The following SELENON variants were observed in gnomAD, a reference collection of about 807,000 sequenced individuals.
SELENON encodes the protein selenoprotein N.
SELENON carries 44 observed loss-of-function variants against 59.5 expected under a neutral mutation model. The observed-to-expected ratio is 0.74, with a 90% CI of 0.58 to 0.95. SELENON has a LOEUF of 0.95. Among genes scored for constraint, SELENON ranks in the 40% least tolerant of loss-of-function variants. The probability of loss-of-function intolerance (pLI) is 0.00; values close to 1 mark genes in which losing one functional copy is unlikely to be tolerated. For missense variants in SELENON, 674 were observed against 721.4 expected (o/e 0.93, Z 0.75); for synonymous variants, 320 against 305.6 (o/e 1.05, Z -0.49).
At chr1:25,812,937 TG>T in intron 10 of SELENON, 145 bp downstream of exon 9, 1 of 639,550 alleles carries the variant, frequency 1.6e-6, no homozygotes, top group Non-Finnish European at 2.7e-6. Flanking sequence ...GGTGAGGGCT[TG>T]GGGGTTTCTG....
chr1:25,811,326 G>A (rs74753273), intron 7 of SELENON, 128 bp from the exon 7 acceptor site: 7 of 864,540 alleles, frequency 8.1e-6, no homozygotes, highest in Admixed American at 1.7e-5. Flanking sequence ...CTGAGAGCAG[G>A]TGTTCACCTT....
rs777640462 is a variant in SELENON, at chr1:25,815,573, T to A, written c.1628T>A (p.Phe543Tyr). 3.7e-6 allele frequency: 6 copies of A among 1,614,124 alleles called. No homozygotes were observed. In the Admixed American group the frequency reaches 5.0e-5, roughly 13 times the overall value. Reference sequence around the variant, plus strand: ...GTCCATCACATCAATGCCAACTACTTCTTGGACATCACCTCCGTGAAGCCC... The same window carrying A: ...GTCCATCACATCAATGCCAACTACTACTTGGACATCACCTCCGTGAAGCCC... The change falls in exon 13 of 13, where the codon TTC (phenylalanine) becomes TAC (tyrosine). Residue 543 changes from phenylalanine (F) to tyrosine (Y), a missense_variant. Physicochemically the swap from Phe to Tyr is conservative, Grantham distance 22. Transcript: ENST00000361547.
chr1:25,801,492 C>G (rs1447801436), intron 2 of SELENON, among the ~76,000 whole-genome samples: 4 of 152,142 alleles, frequency 2.6e-5, no homozygotes, highest in African/African-American at 9.7e-5. Flanking sequence ...AAAACCCCAT[C>G]CCTACAAAAA....
intron 12 of SELENON, among the ~76,000 whole-genome samples, 153 bp from the exon 12 acceptor site, chr1:25,815,395 G>A (rs376986384): frequency 1.3e-5 from 2 of 152,158 alleles, no homozygotes; most frequent in East Asian, 1.9e-4. Context: ...GGGTGCTGGC[G>A]AGGGCTTACG....
At chr1:25,813,667 G>C in intron 10 of SELENON, 1 of 636,952 alleles carries the variant, frequency 1.6e-6, no homozygotes, top group Non-Finnish European at 2.9e-6. Flanking sequence ...GGGCCAGGTA[G>C]AACCCCTAAC....
chr1:25,808,272 G>A (rs919015386), intron 4 of SELENON, among the ~76,000 whole-genome samples: 3 of 148,582 alleles, frequency 2.0e-5, no homozygotes, highest in Non-Finnish European at 3.0e-5. Flanking sequence ...CCTTGCCCTC[G>A]AGCGAGCTGC....
At chr1:25,809,869 C>G (rs1251114290) in intron 7 of SELENON, 49 bp downstream of exon 6, 3 of 1,605,920 alleles carry the variant, frequency 1.9e-6, no homozygotes, top group East Asian at 2.2e-5. Flanking sequence ...ACAGCTTGTC[C>G]TGCTCCCCAG....
chr1:25,808,468 C>A, intron 4 of SELENON, 112 bp from the exon 4 acceptor site: 1 of 1,258,640 alleles, frequency 7.9e-7, no homozygotes, highest in Non-Finnish European at 1.2e-6. Context: ...GGTCCATCTG[C>A]TCCCTTGGTG....
intron 7 of SELENON, among the ~76,000 whole-genome samples, chr1:25,810,805 G>A (rs2047951745): frequency 1.3e-5 from 2 of 152,212 alleles, no homozygotes; most frequent in South Asian, 4.1e-4. Context: ...ACCTAGGGCT[G>A]GGCACACCTG....
Position 25,801,093 on chromosome 1 carries a change from C to G in SELENON, c.234C>G (p.Ser78=). Residue 78 remains serine, a synonymous_variant, in exon 2 of 13, where the codon TCC becomes TCG. Transcript: ENST00000361547. ...CAGATGGCCTTTTTCTCTTTTCCTC[C>G]TTGGACACTGACGGGGATATGTACA... 1 of 1,614,164 alleles carries G rather than the reference C, an allele frequency of 6.2e-7. No homozygotes were observed. The highest frequency in any genetic ancestry group is 8.5e-7 in the Non-Finnish European group (1 of 1,180,008).
Position 25,815,862 on chromosome 1 carries a change from CCA to C in SELENON, c.*147_*148del. 1 of 818,340 alleles carries C rather than the reference CCA, an allele frequency of 1.2e-6. No homozygotes were observed. Among genetic ancestry groups the C allele is most frequent in the Non-Finnish European group, 1.9e-6 (1 of 516,906 alleles). The allele number at this position is 818,340 out of a possible 1,614,324, so 50.7% of individuals were successfully genotyped here. A position where few individuals can be genotyped will look rare whatever the true frequency, so the allele number is the denominator to read the frequency against. On this transcript the variant is annotated 3_prime_UTR_variant, in exon 13 of 13. Coordinates refer to ENST00000361547, the MANE Select transcript of SELENON (RefSeq NM_020451.3). Reference sequence around the variant, plus strand: ...GTACAAGATCCACTGAGGGTGGCCACCACAGCCTTGGCTCCATGGTGGCGGGT... The same window carrying C: ...GTACAAGATCCACTGAGGGTGGCCACCAGCCTTGGCTCCATGGTGGCGGGT...
Position 25,808,735 on chromosome 1 carries a change from C to G in SELENON, c.693C>G (p.Phe231Leu). 1 of 1,614,078 alleles carries G rather than the reference C, an allele frequency of 6.2e-7. No individual in the cohort carries two copies. The highest frequency in any genetic ancestry group is 8.5e-7 in the Non-Finnish European group (1 of 1,179,988). The change falls in exon 5 of 13, where the codon TTC becomes TTG. Residue 231 changes from phenylalanine to leucine, a missense_variant. Transcript: ENST00000361547. ...TCATCCCCAGTGAGCTGAGCATGTT[C>G]ACTGGCTACCTGTCCAACAACCGCT...
chr1:25,813,598 G>C, intron 10 of SELENON: 1 of 507,498 alleles, frequency 2.0e-6, no homozygotes, highest in South Asian at 1.6e-5. Context: ...CTGTGTGAAG[G>C]CCCTGGGACA....
At chr1:25,810,136 C>T (rs1317031154) in intron 7 of SELENON, among the ~76,000 whole-genome samples, 3 of 152,326 alleles carry the variant, frequency 2.0e-5, no homozygotes, top group Non-Finnish European at 2.9e-5. Flanking sequence ...GAGCTGTAAC[C>T]GCAGCCTGTG....
Position 25,815,970 on chromosome 1 carries a change from T to C in SELENON, c.*252T>C, listed in dbSNP as rs1392118130. ...TCGGCTCTCCCTACCCATTTGGCTC[T>C]GGAAGCTGCTTGGCCCCCCCAGATC... On this transcript the variant is annotated 3_prime_UTR_variant, in exon 13 of 13. Transcript: ENST00000361547. The C allele has an allele frequency of 7.7e-6, 4 of 519,686 alleles. No homozygotes were observed. Among genetic ancestry groups the C allele is most frequent in the Non-Finnish European group, 1.4e-5 (4 of 285,948 alleles). The allele number at this position is 519,686 out of a possible 1,614,324, so 32.2% of individuals were successfully genotyped here. A position where few individuals can be genotyped will look rare whatever the true frequency, so the allele number is the denominator to read the frequency against.
intron 10 of SELENON, chr1:25,813,458 G>T (rs1395158215): frequency 5.6e-6 from 2 of 354,960 alleles, no homozygotes; most frequent in Non-Finnish European, 1.1e-5. Flanking sequence ...ACAGTCCAGA[G>T]TGGCACCAGA....
At chr1:25,812,926 G>C in intron 10 of SELENON, 134 bp downstream of exon 9, 1 of 675,932 alleles carries the variant, frequency 1.5e-6, no homozygotes, top group Non-Finnish European at 2.5e-6. Context: ...TAGGGGCGTG[G>C]GGTGAGGGCT....
Position 25,815,580 on chromosome 1 carries a change from C to A in SELENON, c.1635C>A (p.Asp545Glu). 1 of 1,614,194 alleles carries A rather than the reference C, an allele frequency of 6.2e-7. No homozygotes were observed. Among genetic ancestry groups the A allele is most frequent in the Non-Finnish European group, 8.5e-7 (1 of 1,180,026 alleles). Reference sequence around the variant, plus strand: ...ACATCAATGCCAACTACTTCTTGGACATCACCTCCGTGAAGCCCGAGGAAA... The same window carrying A: ...ACATCAATGCCAACTACTTCTTGGAAATCACCTCCGTGAAGCCCGAGGAAA... Residue 545 changes from aspartate to glutamate, a missense_variant, in exon 13 of 13, where the codon GAC (aspartate) becomes GAA (glutamate). By Grantham distance (45) the Asp-to-Glu change is conservative. Transcript: ENST00000361547.
intron 3 of SELENON, among the ~76,000 whole-genome samples, chr1:25,804,821 G>A (rs1193225899): frequency 6.6e-6 from 1 of 152,134 alleles, no homozygotes; most frequent in African/African-American, 2.4e-5. Context: ...AAGGGTCGTG[G>A]TTGGTCATGG....
Sources: allele counts gnomAD v4.1 joint callset (sites outside exome capture counted in the v4.1 genomes callset), GRCh38; gene constraint gnomAD v4.1.1; transcripts MANE v1.5; gene names NCBI Gene and HGNC (gene_info 2026-07-23, HGNC 2026-07-21).